The following SERINC5 variants were observed in gnomAD, a reference collection of about 807,000 sequenced individuals.
SERINC5 encodes serine incorporator 5.
SERINC5 carries 41 observed loss-of-function variants against 63.1 expected under a neutral mutation model. The ratio of observed to expected loss-of-function variants is 0.65; its 90% confidence interval spans 0.51 to 0.84. The LOEUF (loss-of-function observed/expected upper bound fraction) is 0.84. Ranked by LOEUF, SERINC5 falls within the 40% of genes least tolerant of loss-of-function variation. The pLI is 0.00. For missense variants in SERINC5, 523 were observed against 573.0 expected (o/e 0.91, Z 0.89); for synonymous variants, 222 against 215.2 (o/e 1.03, Z -0.28).
intron 11 of SERINC5, among the ~76,000 whole-genome samples, chr5:80,145,280 T>G (rs1040322040): frequency 1.3e-5 from 2 of 151,610 alleles, no homozygotes; most frequent in African/African-American, 4.9e-5. Context: ...GGGGCGGAGG[T>G]TGCAGTGAGC....
downstream of SERINC5, among the ~76,000 whole-genome samples, chr5:80,135,573 T>A (rs2112266129): frequency 6.6e-6 from 1 of 152,164 alleles, no homozygotes; most frequent in South Asian, 2.1e-4. Flanking sequence ...GAAATCTGAA[T>A]AAGGTTTGCA....
At position 80,139,380 on chromosome 5, in the gene SERINC5, T is replaced by C. The variant is rs1745366269; in HGVS notation, c.*4283A>G. 1 of 985,144 alleles carries C rather than the reference T, an allele frequency of 1.0e-6. No individual in the cohort carries two copies. The highest frequency in any genetic ancestry group is 1.7e-5 in the African/African-American group (1 of 57,228). 61.0% of individuals were successfully genotyped at this position (985,144 alleles called of 1,614,324 possible). A position where few individuals can be genotyped will look rare whatever the true frequency, so the allele number is the denominator to read the frequency against. On this transcript the variant is annotated 3_prime_UTR_variant, in exon 12 of 12. Coordinates refer to ENST00000507668, the MANE Select transcript of SERINC5 (RefSeq NM_001174072.3). Reference sequence around the variant, plus strand: ...TCCCAGGATCCTTTATCCCAAAGGATTACCTTAAAGAGTTCTTCCATCATT... The same window carrying C: ...TCCCAGGATCCTTTATCCCAAAGGACTACCTTAAAGAGTTCTTCCATCATT...
intron 9 of SERINC5, among the ~76,000 whole-genome samples, chr5:80,148,818 T>C (rs756618159): frequency 1.3e-5 from 2 of 152,176 alleles, no homozygotes; most frequent in Admixed American, 6.5e-5. Flanking sequence ...GATAAGAATA[T>C]GAGAGCTTGA....
chr5:80,117,725 G>C (rs1387495313), intron 11 of SERINC5, among the ~76,000 whole-genome samples: 1 of 151,032 alleles, frequency 6.6e-6, no homozygotes, highest in Admixed American at 6.6e-5. Context: ...CCAGAAGTCT[G>C]AAAGTACTAT....
At chr5:80,212,763 T>C (rs1750496092) in intron 1 of SERINC5, among the ~76,000 whole-genome samples, 2 of 152,006 alleles carry the variant, frequency 1.3e-5, no homozygotes, top group African/African-American at 4.8e-5. Context: ...ACTTAAAAGC[T>C]AGAAGAACGA....
chr5:80,191,659 T>C (rs531720420), intron 2 of SERINC5, among the ~76,000 whole-genome samples: 112 of 132,496 alleles, frequency 8.5e-4, no homozygotes, highest in Non-Finnish European at 1.3e-3. Context: ...CAAGGCCCTG[T>C]CTCTAAAAAA....
At chr5:80,181,002 T>C (rs1281490402) in intron 2 of SERINC5, among the ~76,000 whole-genome samples, 2 of 152,110 alleles carry the variant, frequency 1.3e-5, no homozygotes, top group African/African-American at 4.8e-5. Flanking sequence ...TTATGAGCAA[T>C]TTGAGGGCAG....
rs557759985 is a variant in SERINC5, at chr5:80,198,314, C to A, written c.195+4572G>T. Reference sequence around the variant, plus strand: ...TATTCAACCAGCACAGTCAAGCTTTCTCTGAGCCAAAGTTCTCCTGGGAAA... The same window carrying A: ...TATTCAACCAGCACAGTCAAGCTTTATCTGAGCCAAAGTTCTCCTGGGAAA... On this transcript the variant is annotated intron_variant, in intron 2 of 11. Coordinates refer to ENST00000507668, the MANE Select transcript of SERINC5 (RefSeq NM_001174072.3). Among the ~76,000 whole-genome samples, 29 of 152,314 alleles carry A rather than the reference C, an allele frequency of 1.9e-4. No individual in the cohort carries two copies. The East Asian group carries it at 2.1e-3, about 11-fold the overall frequency.
intron 1 of SERINC5, among the ~76,000 whole-genome samples, chr5:80,212,233 T>C (rs1750467934): frequency 6.6e-6 from 1 of 152,126 alleles, no homozygotes. Flanking sequence ...AGTGGGGAAG[T>C]TCCTCAAATA....
chr5:80,120,038 T>C (rs990328277), intron 11 of SERINC5, among the ~76,000 whole-genome samples: 1 of 152,302 alleles, frequency 6.6e-6, no homozygotes, highest in South Asian at 2.1e-4. Flanking sequence ...AGTTACTTCA[T>C]TTTTTTGGAT....
At position 80,141,095 on chromosome 5, in the gene SERINC5, A is replaced by G. The variant is rs891011579; in HGVS notation, c.*2568T>C. 216 of 985,304 alleles carry G rather than the reference A, an allele frequency of 2.2e-4. 3 individuals carry two copies. The highest frequency in any genetic ancestry group is 4.0e-5 in the Non-Finnish European group (33 of 829,902). 61.0% of individuals were successfully genotyped at this position (985,304 alleles called of 1,614,324 possible). ...CCTCACCTGAGTATTGTATATCACA[A>G]TTAATAACCATTAACATTAACTCTG... On this transcript the variant is annotated 3_prime_UTR_variant, in exon 12 of 12. Transcript: ENST00000507668.
At chr5:80,132,639 A>AT (rs113793432) in intron 11 of SERINC5, among the ~76,000 whole-genome samples, 3,711 of 151,166 alleles carry the variant, frequency 0.025, 148 homozygotes, top group African/African-American at 0.086. Flanking sequence ...TAATTTTTAA[A>AT]TTTTTTGTAG....
chr5:80,223,075 T>C (rs940009576), intron 1 of SERINC5, among the ~76,000 whole-genome samples: 2 of 152,230 alleles, frequency 1.3e-5, no homozygotes, highest in Non-Finnish European at 1.5e-5. Flanking sequence ...CAGGCTGGTC[T>C]TGAACTCCTG....
At chr5:80,231,807 C>T (rs1489900070) in intron 1 of SERINC5, among the ~76,000 whole-genome samples, 2 of 152,026 alleles carry the variant, frequency 1.3e-5, no homozygotes, top group African/African-American at 4.8e-5. Flanking sequence ...CAAAAATTAA[C>T]TCATTAAGAA....
At chr5:80,219,680 C>T (rs917960902) in intron 1 of SERINC5, among the ~76,000 whole-genome samples, 1 of 152,114 alleles carries the variant, frequency 6.6e-6, no homozygotes, top group Non-Finnish European at 1.5e-5. Flanking sequence ...CACCAACTGG[C>T]AGAGAACTGT....
At chr5:80,186,418 G>GTGAGC (rs1748813173) in intron 2 of SERINC5, among the ~76,000 whole-genome samples, 1 of 152,124 alleles carries the variant, frequency 6.6e-6, no homozygotes, top group Admixed American at 6.6e-5. Context: ...GATTACAGGC[G>GTGAGC]TGAGCCACCG....
downstream of SERINC5, among the ~76,000 whole-genome samples, chr5:80,135,732 T>A (rs913111052): frequency 6.6e-6 from 1 of 151,246 alleles, no homozygotes; most frequent in Non-Finnish European, 1.5e-5. Context: ...CGAGTTCAAG[T>A]GTGAATGGAA....
intron 1 of SERINC5, among the ~76,000 whole-genome samples, chr5:80,228,850 ACT>A (rs1751290560): frequency 6.6e-6 from 1 of 151,976 alleles, no homozygotes; most frequent in African/African-American, 2.4e-5. Context: ...AATACCTCAC[ACT>A]CTAATATAAA....
intron 11 of SERINC5, among the ~76,000 whole-genome samples, 187 bp downstream of exon 11, chr5:80,145,903 G>A (rs1361542470): frequency 2.6e-5 from 4 of 152,156 alleles, no homozygotes; most frequent in South Asian, 2.1e-4. Context: ...CCAGCTACTC[G>A]GGAGGCTGAG....
Sources: gnomAD v4.1 joint callset for allele counts (sites outside exome capture counted in the v4.1 genomes callset) on GRCh38, gnomAD v4.1.1 for gene constraint, MANE v1.5 for transcripts, NCBI Gene and HGNC (gene_info 2026-07-23, HGNC 2026-07-21) for gene names.